CFAP263: variants seen among roughly 807,000 people sequenced by gnomAD.
The protein encoded by CFAP263 is cilia and flagella associated protein 263.
At chr16:58,272,594 C>T in the CFAP263 span, among the ~76,000 whole-genome samples, 3 of 152,238 alleles carry the variant, frequency 2.0e-5, no homozygotes, top group East Asian at 1.9e-4. Flanking sequence ...AGTAAAGATA[C>T]GGCATTATAA....
At chr16:58,266,591 G>T in the CFAP263 span, among the ~76,000 whole-genome samples, 1 of 151,812 alleles carries the variant, frequency 6.6e-6, no homozygotes, top group African/African-American at 2.4e-5. Flanking sequence ...TCACTGGCCA[G>T]TGCTTGGTGC....
the CFAP263 span, chr16:58,258,541 G>T: frequency 1.2e-6 from 2 of 1,610,408 alleles, no homozygotes; most frequent in Non-Finnish European, 1.7e-6. Flanking sequence ...GGCAGACAGA[G>T]CTTAGAAAGG....
chr16:58,276,827 A>G, the CFAP263 span, among the ~76,000 whole-genome samples: 1 of 152,272 alleles, frequency 6.6e-6, no homozygotes. Flanking sequence ...AAGAATGAGT[A>G]AATTCTTCAT....
chr16:58,256,446 A>C, the CFAP263 span, among the ~76,000 whole-genome samples: 21,884 of 152,086 alleles, frequency 0.14, 2,082 homozygotes, highest in East Asian at 0.33. Flanking sequence ...AAAGAAGGGC[A>C]CCCCAGGTAA....
chr16:58,257,078 C>T, the CFAP263 span, among the ~76,000 whole-genome samples: 6 of 65,912 alleles, frequency 9.1e-5, no homozygotes, highest in African/African-American at 2.7e-4. Context: ...AGTGCAGTGG[C>T]GGGATCTCGG....
chr16:58,259,933 A>G, the CFAP263 span: 5 of 1,594,148 alleles, frequency 3.1e-6, no homozygotes, highest in Admixed American at 8.5e-5. Flanking sequence ...CAATTGAGGC[A>G]GGTATGTGGT....
At chr16:58,279,262 C>T in the CFAP263 span, among the ~76,000 whole-genome samples, 2 of 152,116 alleles carry the variant, frequency 1.3e-5, no homozygotes, top group Middle Eastern at 3.2e-3. Flanking sequence ...CTTAGAAAGC[C>T]AGTCAGGTCA....
the CFAP263 span, chr16:58,283,008 C>T: frequency 6.6e-6 from 1 of 152,228 alleles, no homozygotes; most frequent in African/African-American, 2.4e-5. Context: ...AGGCGAACAG[C>T]TCCAGGTGCC....
chr16:58,277,765 AC>A, the CFAP263 span, among the ~76,000 whole-genome samples: 1 of 152,238 alleles, frequency 6.6e-6, no homozygotes, highest in Non-Finnish European at 1.5e-5. Context: ...ACATTCTGAC[AC>A]ATACTACCAT....
chr16:58,260,410 G>A, the CFAP263 span, among the ~76,000 whole-genome samples: 2 of 152,156 alleles, frequency 1.3e-5, no homozygotes, highest in African/African-American at 4.8e-5. Flanking sequence ...TAATAAATTT[G>A]CATTAAAACC....
chr16:58,264,554 G>T, the CFAP263 span, among the ~76,000 whole-genome samples: 1 of 152,294 alleles, frequency 6.6e-6, no homozygotes, highest in East Asian at 1.9e-4. Flanking sequence ...GCTGCGGGAG[G>T]TGCTTCATCT....
At chr16:58,254,449 T>A in the CFAP263 span, among the ~76,000 whole-genome samples, 5 of 152,206 alleles carry the variant, frequency 3.3e-5, no homozygotes, top group African/African-American at 1.2e-4. Context: ...ACATATGGCC[T>A]CTTTTGGTTG....
chr16:58,257,658 CT>C, the CFAP263 span, among the ~76,000 whole-genome samples: 1,205 of 142,040 alleles, frequency 8.5e-3, 6 homozygotes, highest in African/African-American at 0.021. Context: ...AATATAAAGT[CT>C]TTTTTTTTTT....
the CFAP263 span, among the ~76,000 whole-genome samples, chr16:58,268,067 A>G: frequency 1.2e-5 from 1 of 83,858 alleles, no homozygotes; most frequent in Non-Finnish European, 2.5e-5. Flanking sequence ...GAGAGAGGTC[A>G]TAACCATACG....
chr16:58,266,947 G>GT, the CFAP263 span, among the ~76,000 whole-genome samples: 1 of 152,166 alleles, frequency 6.6e-6, no homozygotes. Context: ...GCTCCCCCTG[G>GT]TCTCTGTGAC....
At chr16:58,279,682 T>G in the CFAP263 span, 1 of 1,579,324 alleles carries the variant, frequency 6.3e-7, no homozygotes, top group South Asian at 1.2e-5. Context: ...TTCTTTTTTT[T>G]TTTTGCAGAT....
the CFAP263 span, among the ~76,000 whole-genome samples, chr16:58,263,488 T>C: frequency 6.6e-6 from 1 of 152,194 alleles, no homozygotes; most frequent in Non-Finnish European, 1.5e-5. Context: ...AAATATTTAC[T>C]ATCTGGTCCT....
the CFAP263 span, among the ~76,000 whole-genome samples, chr16:58,258,756 C>T: frequency 0.14 from 21,773 of 151,980 alleles, 2,048 homozygotes; most frequent in East Asian, 0.33. Context: ...GAGGCTGAGG[C>T]GGGTGGATCA....
the CFAP263 span, among the ~76,000 whole-genome samples, chr16:58,279,128 C>T: frequency 2.2e-4 from 33 of 152,128 alleles, no homozygotes; most frequent in African/African-American, 7.7e-4. Flanking sequence ...CACCCTTGCT[C>T]CTGTGAGCTG....
Sources: gnomAD v4.1 joint callset for allele counts (sites outside exome capture counted in the v4.1 genomes callset) on GRCh38, gnomAD v4.1.1 for gene constraint, MANE v1.5 for transcripts, NCBI Gene and HGNC (gene_info 2026-07-23, HGNC 2026-07-21) for gene names.